SEMA3D: variants seen among roughly 807,000 people sequenced by gnomAD.
SEMA3D encodes the protein semaphorin 3D, also known as semaphorin-3D.
A neutral mutation model predicts 100.1 loss-of-function variants in SEMA3D; 84 were observed. The observed-to-expected ratio is 0.84, with a 90% CI of 0.70 to 1.01. SEMA3D has a LOEUF of 1.01. SEMA3D is among the 50% of genes least tolerant of loss of function. The pLI is 0.00. For missense variants in SEMA3D, 875 were observed against 934.1 expected (o/e 0.94, Z 0.82); for synonymous variants, 312 against 320.7 (o/e 0.97, Z 0.29).
intron 1 of SEMA3D, chr7:85,167,450 A>C (rs965570203): frequency 7.5e-5 from 67 of 895,210 alleles, no homozygotes; most frequent in Middle Eastern, 1.1e-3. Flanking sequence ...TGTGAAGCTG[A>C]TACTAATGTT....
the SEMA3D span, among the ~76,000 whole-genome samples, chr7:85,201,286 A>G: frequency 1.3e-5 from 2 of 152,152 alleles, no homozygotes; most frequent in East Asian, 1.9e-4. Context: ...TCTGAAAACT[A>G]CTAGCTTTGA....
At chr7:85,181,367 C>T (rs1791407482) in intron 1 of SEMA3D, among the ~76,000 whole-genome samples, 3 of 151,436 alleles carry the variant, frequency 2.0e-5, no homozygotes, top group Admixed American at 1.3e-4. Flanking sequence ...CACACATGCA[C>T]TGCTAGAGTT....
At chr7:85,199,752 T>C in the SEMA3D span, among the ~76,000 whole-genome samples, 1 of 152,248 alleles carries the variant, frequency 6.6e-6, no homozygotes, top group African/African-American at 2.4e-5. Flanking sequence ...TGAATAGATA[T>C]GATTTTCATC....
chr7:85,038,313 G>T (rs1444110343), intron 11 of SEMA3D, among the ~76,000 whole-genome samples: 1 of 152,186 alleles, frequency 6.6e-6, no homozygotes, highest in East Asian at 1.9e-4. Context: ...GAGAGGTAAT[G>T]GTAAATAGGT....
intron 4 of SEMA3D, among the ~76,000 whole-genome samples, chr7:85,085,945 A>G (rs575870982): frequency 6.6e-6 from 1 of 152,362 alleles, no homozygotes; most frequent in East Asian, 1.9e-4. Flanking sequence ...GCACCATCCT[A>G]GTTGATGAAG....
the SEMA3D span, among the ~76,000 whole-genome samples, chr7:85,244,548 T>C: frequency 6.6e-6 from 1 of 152,138 alleles, no homozygotes; most frequent in Non-Finnish European, 1.5e-5. Flanking sequence ...GAATATAAAA[T>C]AAACTGCAAA....
intron 9 of SEMA3D, among the ~76,000 whole-genome samples, chr7:85,048,707 A>G (rs935006859): frequency 6.6e-6 from 1 of 151,876 alleles, no homozygotes; most frequent in Non-Finnish European, 1.5e-5. Flanking sequence ...GGGATTTTTA[A>G]AAAAGGATCT....
intron 1 of SEMA3D, among the ~76,000 whole-genome samples, chr7:85,157,396 C>G (rs1304120167): frequency 6.6e-6 from 1 of 152,018 alleles, no homozygotes; most frequent in Non-Finnish European, 1.5e-5. Context: ...AGACTAAATT[C>G]CTGGAAAGAT....
At chr7:85,025,065 T>C (rs1584532035) in intron 12 of SEMA3D, among the ~76,000 whole-genome samples, 1 of 151,972 alleles carries the variant, frequency 6.6e-6, no homozygotes, top group African/African-American at 2.4e-5. Context: ...ACATCTCAGG[T>C]ATTAGAAATC....
intron 4 of SEMA3D, among the ~76,000 whole-genome samples, chr7:85,085,284 G>A (rs1467064895): frequency 2.6e-5 from 4 of 152,044 alleles, no homozygotes; most frequent in Non-Finnish European, 4.4e-5. Flanking sequence ...AAGTAAATGA[G>A]TCTTAAAAAG....
intron 13 of SEMA3D, among the ~76,000 whole-genome samples, chr7:85,020,956 G>T (rs765514254): frequency 6.6e-6 from 1 of 151,190 alleles, no homozygotes; most frequent in Non-Finnish European, 1.5e-5. Context: ...TTTAAAAGAG[G>T]TATCTTAAAT....
chr7:85,056,443 T>C (rs1316117920), intron 8 of SEMA3D, among the ~76,000 whole-genome samples: 1 of 151,942 alleles, frequency 6.6e-6, no homozygotes, highest in East Asian at 1.9e-4. Context: ...AATTTACTCA[T>C]ATGTAATATA....
rs998432888 is a variant in SEMA3D at position 85,075,302 on chromosome 7, C to T, written c.376-2221G>A. Among the ~76,000 whole-genome samples the T allele has an allele frequency of 2.6e-5, 4 of 151,822 alleles. No homozygotes were observed. In the South Asian group the frequency reaches 8.3e-4, roughly 32 times the overall value. ...GGATAAAGAAATATAACTCCCTTTC[C>T]AGATTTTAAATTATGGAGTCAAACA... On this transcript the variant is annotated intron_variant, in intron 5 of 18. Transcript: ENST00000284136.
intron 3 of SEMA3D, among the ~76,000 whole-genome samples, chr7:85,112,241 A>G (rs1215861535): frequency 6.6e-6 from 1 of 152,228 alleles, no homozygotes; most frequent in African/African-American, 2.4e-5. Context: ...TAATTTGTAA[A>G]TTACAGAAAA....
At chr7:85,084,064 G>A (rs1284643479) in intron 4 of SEMA3D, among the ~76,000 whole-genome samples, 4 of 150,854 alleles carry the variant, frequency 2.7e-5, no homozygotes, top group Admixed American at 2.0e-4. Context: ...GGAGAATGGC[G>A]TGAACCCGGG....
the SEMA3D span, among the ~76,000 whole-genome samples, chr7:85,203,095 C>G: frequency 6.6e-6 from 1 of 152,166 alleles, no homozygotes; most frequent in Non-Finnish European, 1.5e-5. Context: ...TTCAGCAGTT[C>G]TCCTCATATT....
At chr7:85,014,779 C>G (rs1317223109) in intron 16 of SEMA3D, among the ~76,000 whole-genome samples, 2 of 151,364 alleles carry the variant, frequency 1.3e-5, no homozygotes, top group African/African-American at 4.8e-5. Flanking sequence ...TAAAAACAAA[C>G]CTTTAATAGT....
intron 1 of SEMA3D, chr7:85,167,263 G>C (rs1269393645): frequency 2.0e-6 from 2 of 984,692 alleles, no homozygotes; most frequent in African/African-American, 1.7e-5. Context: ...TGGAGGTCTT[G>C]GCTGGTTAAA....
upstream of SEMA3D, among the ~76,000 whole-genome samples, chr7:85,189,605 C>T (rs1302597724): frequency 2.6e-5 from 4 of 152,140 alleles, no homozygotes; most frequent in South Asian, 8.3e-4. Flanking sequence ...TGTATATCAT[C>T]AGTTAAAACC....
Sources: allele counts gnomAD v4.1 joint callset (sites outside exome capture counted in the v4.1 genomes callset), GRCh38; gene constraint gnomAD v4.1.1; transcripts MANE v1.5; gene names NCBI Gene and HGNC (gene_info 2026-07-23, HGNC 2026-07-21).